The following TBXT variants were observed in gnomAD, a reference collection of about 807,000 sequenced individuals.
TBXT encodes the protein T brachyury transcription factor.
In TBXT, 19 loss-of-function variants were observed where a neutral mutation model predicts 41.1. That is an observed-to-expected ratio of 0.46 (90% CI 0.32 to 0.68). The LOEUF is 0.68. Among genes scored for constraint, TBXT ranks in the 30% least tolerant of loss-of-function variants. The pLI, the probability that TBXT is intolerant of heterozygous loss-of-function variation, is 0.03. For missense variants in TBXT, 536 were observed against 582.0 expected, an observed-to-expected ratio of 0.92 and a Z score of 0.81; for synonymous variants, 213 against 238.9, an observed-to-expected ratio of 0.89 and a Z score of 1.00.
At position 166,167,707 on chromosome 6, in the gene TBXT, C is replaced by T; in HGVS notation, c.-116G>A. 1 of 1,364,604 alleles carries T rather than the reference C, an allele frequency of 7.3e-7. No homozygotes were observed. The highest frequency in any genetic ancestry group is 1.0e-6 in the Non-Finnish European group (1 of 999,386). The allele number at this position is 1,364,604 out of a possible 1,614,324, so 84.5% of individuals were successfully genotyped here. A position where few individuals can be genotyped will look rare whatever the true frequency, so the allele number is the denominator to read the frequency against. On this transcript the variant is annotated 5_prime_UTR_variant, in exon 1 of 8. Transcript: ENST00000366876. ...AGAAAAGGGGCCCCTTGGACCGAGA[C>T]CTGCGACGGCTCCCGGGTCCCGGGT...
chr6:166,164,875 A>G lies in TBXT; in HGVS notation c.607-14T>C. ...AAGAGCTGTGATCTGAAAAACAAGA[A>G]ATTGCATTTACTAGTATATTCCCTA... is the stretch of plus-strand genomic sequence containing the variant. On this transcript the variant is annotated splice_polypyrimidine_tract_variant and intron_variant, in intron 3 of 7. Transcript: ENST00000366876. The G allele has an allele frequency of 6.2e-7, 1 of 1,610,384 alleles. No individual in the cohort carries two copies. Among genetic ancestry groups the G allele is most frequent in the Non-Finnish European group, 8.5e-7 (1 of 1,178,532 alleles).
chr6:166,164,515 A>G, intron 5 of TBXT, 90 bp downstream of exon 5: 1 of 1,486,452 alleles, frequency 6.7e-7, no homozygotes, highest in South Asian at 1.1e-5. Flanking sequence ...ACCCAGAAAC[A>G]CCCTTGTCTT....
chr6:166,163,944 A>T (rs1779034641), intron 5 of TBXT, among the ~76,000 whole-genome samples: 2 of 152,180 alleles, frequency 1.3e-5, no homozygotes, highest in South Asian at 4.1e-4. Context: ...TGTAAGGAGG[A>T]GTGTGCCCTG....
chr6:166,162,616 C>T lies in TBXT; in HGVS notation c.738G>A (p.Gly246=). 1.9e-6 allele frequency: 3 copies of T among 1,611,440 alleles called. No individual in the cohort carries two copies. The highest frequency in any genetic ancestry group is 1.3e-5 in the African/African-American group (1 of 74,998). Residue 246 remains glycine, a synonymous_variant, in exon 6 of 8, where the codon GGG becomes GGA. Transcript: ENST00000366876. ...GGGTGCTGGTTCCAGGAAGAAGCCA[C>T]CCCCCTGCTGTGAGAAAAGACAGTG... ...SQQPGYSQSG[G]WLLPGTSTLC...
chr6:166,166,432 A>G (rs998857329), intron 2 of TBXT, among the ~76,000 whole-genome samples, 160 bp downstream of exon 2: 6 of 152,182 alleles, frequency 3.9e-5, no homozygotes, highest in Non-Finnish European at 8.8e-5. Flanking sequence ...AGCTTAGTAT[A>G]AACAGCGCTA....
intron 5 of TBXT, among the ~76,000 whole-genome samples, chr6:166,163,117 G>A (rs1431611667): frequency 6.6e-6 from 1 of 152,172 alleles, no homozygotes; most frequent in Non-Finnish European, 1.5e-5. Flanking sequence ...AGGCAGGTGA[G>A]CTTTCCTCCA....
At chr6:166,159,872 G>T (rs1274388862) in intron 7 of TBXT, among the ~76,000 whole-genome samples, 1 of 152,180 alleles carries the variant, frequency 6.6e-6, no homozygotes, top group East Asian at 1.9e-4. Flanking sequence ...CATCTGATCG[G>T]GTGCAGGCTT....
Position 166,158,297 on chromosome 6 carries a change from G to T in TBXT, c.*18C>A, listed in dbSNP as rs368784999. 2.5e-6 allele frequency: 4 copies of T among 1,614,202 alleles called. No individual in the cohort carries two copies. The highest frequency in any genetic ancestry group is 1.1e-5 in the South Asian group (1 of 91,074). ...GACAAAAAGTCACTGCATCTTTCGG[G>T]ACCTGGGCCTTGCTGCTTCACATGG... is the stretch of plus-strand genomic sequence containing the variant. On this transcript the variant is annotated 3_prime_UTR_variant, in exon 8 of 8. Transcript: ENST00000366876.
intron 2 of TBXT, 32 bp from the exon 3 acceptor site, chr6:166,165,872 T>C: frequency 6.2e-7 from 1 of 1,613,836 alleles, no homozygotes; most frequent in Non-Finnish European, 8.5e-7. Context: ...TTGGTGGCAC[T>C]GAAAGGCCTG....
At chr6:166,166,476 C>T (rs976503598) in intron 2 of TBXT, 116 bp downstream of exon 2, 14 of 1,527,724 alleles carry the variant, frequency 9.2e-6, no homozygotes, top group Non-Finnish European at 9.9e-6. Flanking sequence ...GGCAGTTTCT[C>T]CAGGGCAGAC....
intron 6 of TBXT, 94 bp downstream of exon 6, chr6:166,162,353 A>AT (rs1778983662): frequency 1.4e-6 from 2 of 1,457,228 alleles, no homozygotes; most frequent in East Asian, 2.3e-5. Context: ...AACCGTCTCC[A>AT]TTTTTTTAGA....
At chr6:166,168,133 G>A (rs982347762), upstream of TBXT, among the ~76,000 whole-genome samples, 3 of 151,938 alleles carry the variant, frequency 2.0e-5, no homozygotes, top group South Asian at 2.1e-4. Flanking sequence ...AAAGCGGCGG[G>A]GCAAGCCCCG....
rs747724104 is a variant in TBXT at position 166,158,461 on chromosome 6, G to A, written c.1165C>T (p.His389Tyr). 2.5e-5 allele frequency: 40 copies of A among 1,613,958 alleles called. No individual in the cohort carries two copies. Among genetic ancestry groups the A allele is most frequent in the Non-Finnish European group, 3.0e-5 (35 of 1,180,012 alleles). ...GSPAHYTPLT[H>Y]PVSAPSSSGS... is the part of the protein sequence containing the mutation. ...GAGGAAGAGGGCGCCGAGACCGGAT[G>A]GGTGAGGGGTGTGTAGTGCGCGGGG... The change falls in exon 8 of 8, where the codon CAT becomes TAT. Residue 389 changes from histidine (H) to tyrosine (Y), a missense_variant. His to Tyr is a moderately conservative substitution (Grantham distance 83, BLOSUM62 2). Transcript: ENST00000366876.
At chr6:166,164,531 T>A in intron 5 of TBXT, 74 bp downstream of exon 5, 1 of 1,563,888 alleles carries the variant, frequency 6.4e-7, no homozygotes, top group Non-Finnish European at 8.8e-7. Context: ...GTCTTCTCCA[T>A]CTCCACTTCC....
chr6:166,165,562 C>T lies in TBXT; in HGVS notation c.606+144G>A. 3.1e-6 allele frequency: 4 copies of T among 1,305,854 alleles called. No individual in the cohort carries two copies. The South Asian group carries it at 4.8e-5, about 16-fold the overall frequency. The allele number at this position is 1,305,854 out of a possible 1,614,324, so 80.9% of individuals were successfully genotyped here. A position where few individuals can be genotyped will look rare whatever the true frequency, so the allele number is the denominator to read the frequency against. ...ACAGTTCTCTCCTGTGCTTCCATTT[C>T]AAGTTCCGGAATATTATTTGAAAGG... is the stretch of plus-strand genomic sequence containing the variant. On this transcript the variant is annotated intron_variant, in intron 3 of 7. Coordinates refer to ENST00000366876, the MANE Select transcript of TBXT (RefSeq NM_001366285.2).
intron 7 of TBXT, among the ~76,000 whole-genome samples, chr6:166,160,390 G>T (rs780102185): frequency 6.6e-6 from 1 of 152,120 alleles, no homozygotes; most frequent in Non-Finnish European, 1.5e-5. Flanking sequence ...GTTCCGAAAC[G>T]ATCTCTTTAA....
Position 166,166,747 on chromosome 6 carries a change from T to C in TBXT, c.316A>G (p.Asn106Asp), listed in dbSNP as rs776807169. 4.3e-6 allele frequency: 7 copies of C among 1,613,680 alleles called. No homozygotes were observed. The highest frequency in any genetic ancestry group is 5.9e-6 in the Non-Finnish European group (7 of 1,180,038). The change falls in exon 2 of 8, where the codon AAC becomes GAC. Residue 106 changes from asparagine (N) to aspartate (D), a missense_variant. Asn to Asp is a conservative substitution (Grantham distance 23). Coordinates refer to ENST00000366876, the MANE Select transcript of TBXT (RefSeq NM_001366285.2). ...TTGCCCCCCGGCACCCATTCCCCGT[T>C]CACGTACTTCCAGCGGTGGTTGTCC... is the stretch of plus-strand genomic sequence containing the variant. Reference protein sequence around the residue: ...AADNHRWKYVNGEWVPGGKPE... With the variant: ...AADNHRWKYVDGEWVPGGKPE...
intron 7 of TBXT, among the ~76,000 whole-genome samples, 192 bp from the exon 8 acceptor site, chr6:166,158,780 G>T (rs1179209479): frequency 6.6e-6 from 1 of 152,234 alleles, no homozygotes; most frequent in Non-Finnish European, 1.5e-5. Context: ...AGTTATTGTC[G>T]TATCTATTAA....
chr6:166,161,330 G>T (rs1034270095), intron 6 of TBXT, among the ~76,000 whole-genome samples: 4 of 152,116 alleles, frequency 2.6e-5, no homozygotes, highest in African/African-American at 9.7e-5. Context: ...ATAAGAATGG[G>T]CGATAGAAAC....
Sources: gnomAD v4.1 joint callset for allele counts (sites outside exome capture counted in the v4.1 genomes callset) on GRCh38, gnomAD v4.1.1 for gene constraint, MANE v1.5 for transcripts, NCBI Gene and HGNC (gene_info 2026-07-23, HGNC 2026-07-21) for gene names.